The following SPECC1L variants were observed in gnomAD, a reference collection of about 807,000 sequenced individuals.
The protein encoded by SPECC1L is sperm antigen with calponin homology and coiled-coil domains 1 like, also known as cytospin-A.
A neutral mutation model predicts 116.8 loss-of-function variants in SPECC1L; 40 were observed. The ratio of observed to expected loss-of-function variants is 0.34; its 90% confidence interval spans 0.27 to 0.45. The LOEUF (loss-of-function observed/expected upper bound fraction) is 0.45. Among genes scored for constraint, SPECC1L ranks in the 20% least tolerant of loss-of-function variants. SPECC1L has a pLI of 1.00. For synonymous variants in SPECC1L, 504 were observed against 500.6 expected (o/e 1.01, Z -0.09); for missense variants, 1,110 against 1,373.6 (o/e 0.81, Z 3.03).
intron 2 of SPECC1L, among the ~76,000 whole-genome samples, chr22:24,282,935 G>T (rs1445997886): frequency 6.6e-6 from 1 of 151,988 alleles, no homozygotes; most frequent in Non-Finnish European, 1.5e-5. Context: ...GCACCACCAT[G>T]CCTGGCTAAT....
At chr22:24,300,940 T>TC (rs1223797339) in intron 2 of SPECC1L, among the ~76,000 whole-genome samples, 1 of 152,158 alleles carries the variant, frequency 6.6e-6, no homozygotes, top group Non-Finnish European at 1.5e-5. Flanking sequence ...CTGGACCCCT[T>TC]CCTTACACCT....
Position 24,382,235 on chromosome 22 carries a change from C to T in SPECC1L, c.3087+12915C>T, listed in dbSNP as rs527536446. Among the ~76,000 whole-genome samples the T allele has an allele frequency of 3.9e-5, 6 of 152,282 alleles. No homozygotes were observed. In the South Asian group the frequency reaches 1.2e-3, roughly 32 times the overall value. On this transcript the variant is annotated intron_variant, in intron 14 of 16. Coordinates refer to ENST00000314328, the MANE Select transcript of SPECC1L (RefSeq NM_015330.6). ...TTCAATTGAGTTGAGCCCATATTTA[C>T]CCCTGCTTTTTTCCCTTAGGGCGGT...
At chr22:24,324,635 G>A (rs758679372) in intron 6 of SPECC1L, among the ~76,000 whole-genome samples, 2 of 152,156 alleles carry the variant, frequency 1.3e-5, no homozygotes, top group Non-Finnish European at 2.9e-5. Flanking sequence ...CAGATCACTT[G>A]AGTTGAGGAG....
intron 14 of SPECC1L, among the ~76,000 whole-genome samples, chr22:24,404,000 G>A (rs1347367402): frequency 6.6e-6 from 1 of 152,146 alleles, no homozygotes; most frequent in African/African-American, 2.4e-5. Flanking sequence ...CCCTTTATTC[G>A]CCATTGCTCC....
chr22:24,374,681 G>A (rs1047710350), intron 14 of SPECC1L, among the ~76,000 whole-genome samples: 9 of 150,828 alleles, frequency 6.0e-5, no homozygotes, highest in South Asian at 2.1e-4. Flanking sequence ...GTTAAATGAC[G>A]AGTTGATGGG....
intron 2 of SPECC1L, among the ~76,000 whole-genome samples, chr22:24,277,625 T>G (rs938826950): frequency 5.9e-5 from 9 of 152,272 alleles, no homozygotes; most frequent in African/African-American, 1.9e-4. Flanking sequence ...AATGGCATCA[T>G]ACAACATGTG....
chr22:24,332,064 A>G (rs898360284), intron 8 of SPECC1L, among the ~76,000 whole-genome samples: 1 of 152,132 alleles, frequency 6.6e-6, no homozygotes, highest in Non-Finnish European at 1.5e-5. Flanking sequence ...ATGGAATGCC[A>G]TTTTTTTACT....
At chr22:24,278,424 T>C (rs1280901200) in intron 2 of SPECC1L, among the ~76,000 whole-genome samples, 1 of 152,136 alleles carries the variant, frequency 6.6e-6, no homozygotes, top group African/African-American at 2.4e-5. Context: ...CTTAATTTCA[T>C]ACTTCTGGAA....
Position 24,415,062 on chromosome 22 carries a change from G to T in SPECC1L, c.*439G>T, listed in dbSNP as rs1375134469. ...TTGGCTGGGGTGGGTTCCGGTGCTG[G>T]TGAGAACCCAGAAGGAGAGTCAGCG... On this transcript the variant is annotated 3_prime_UTR_variant, in exon 17 of 17. Transcript: ENST00000314328. 2 of 241,450 alleles carry T rather than the reference G, an allele frequency of 8.3e-6. No homozygotes were observed. The highest frequency in any genetic ancestry group is 8.3e-6 in the Non-Finnish European group (1 of 119,864). The allele number at this position is 241,450 out of a possible 1,614,324, so 15.0% of individuals were successfully genotyped here.
chr22:24,281,278 A>G (rs1235804790), intron 2 of SPECC1L, among the ~76,000 whole-genome samples: 4 of 152,210 alleles, frequency 2.6e-5, no homozygotes, highest in African/African-American at 7.2e-5. Context: ...CCTACCTTCA[A>G]CAATTATCAG....
rs192958880 is a variant in SPECC1L at position 24,414,727 on chromosome 22, T to C, written c.*104T>C. 15 of 986,564 alleles carry C rather than the reference T, an allele frequency of 1.5e-5. No individual in the cohort carries two copies. The East Asian group carries it at 3.8e-4, about 25-fold the overall frequency. 61.1% of individuals were successfully genotyped at this position (986,564 alleles called of 1,614,324 possible). ...ACCCCTGTAAAGCTTCCAGCAACTC[T>C]GGGCTGCCCCACAGCGTGTGAGCCT... On this transcript the variant is annotated 3_prime_UTR_variant, in exon 17 of 17. Transcript: ENST00000314328.
chr22:24,350,854 C>A (rs1218219028), intron 11 of SPECC1L, among the ~76,000 whole-genome samples: 1 of 152,134 alleles, frequency 6.6e-6, no homozygotes, highest in African/African-American at 2.4e-5. Context: ...GTGCCAGTAC[C>A]CTAAAGCTGT....
chr22:24,375,929 G>T (rs2041962121), intron 14 of SPECC1L, among the ~76,000 whole-genome samples: 2 of 151,956 alleles, frequency 1.3e-5, no homozygotes, highest in South Asian at 4.2e-4. Flanking sequence ...CAGCCTGGGT[G>T]ACAGAGTGAG....
At chr22:24,407,726 A>C (rs992276952) in intron 14 of SPECC1L, among the ~76,000 whole-genome samples, 31 of 151,778 alleles carry the variant, frequency 2.0e-4, no homozygotes, top group African/African-American at 7.5e-4. Context: ...TTTTTTTAGT[A>C]CCTTTAATAG....
chr22:24,285,288 G>A (rs964238754), intron 2 of SPECC1L, among the ~76,000 whole-genome samples: 5 of 152,146 alleles, frequency 3.3e-5, no homozygotes, highest in Admixed American at 2.6e-4. Flanking sequence ...AAAGGAGATG[G>A]ATGCTTACTG....
intron 3 of SPECC1L, among the ~76,000 whole-genome samples, chr22:24,304,630 T>G (rs989137785): frequency 6.6e-6 from 1 of 152,246 alleles, no homozygotes; most frequent in Non-Finnish European, 1.5e-5. Context: ...TGTTCATGAT[T>G]AGTTCTTTTG....
chr22:24,391,122 G>A (rs1245250073), intron 14 of SPECC1L, among the ~76,000 whole-genome samples: 15 of 151,790 alleles, frequency 9.9e-5, no homozygotes, highest in African/African-American at 2.4e-4. Context: ...GGATCCGCCC[G>A]CCTTGGCCTC....
Position 24,322,676 on chromosome 22 carries a change from A to G in SPECC1L, c.1696A>G (p.Lys566Glu). 6.2e-7 allele frequency: 1 copy of G among 1,610,520 alleles called. No homozygotes were observed. The change falls in exon 5 of 17, where the codon AAA becomes GAA. Residue 566 changes from lysine (K) to glutamate (E), a missense_variant. Transcript: ENST00000314328. ...CTTGGCAGCCACGTTAGAGGAATAC[A>G]AAGCCACAGTGGCCAGTGACCAGAT... ...AALAATLEEY[K>E]ATVASDQIEM...
At chr22:24,310,353 G>C (rs1014262109) in intron 3 of SPECC1L, among the ~76,000 whole-genome samples, 1 of 152,206 alleles carries the variant, frequency 6.6e-6, no homozygotes, top group East Asian at 1.9e-4. Flanking sequence ...TATTATTGGA[G>C]GTGTATCTTC....
Sources: allele counts gnomAD v4.1 joint callset (sites outside exome capture counted in the v4.1 genomes callset), GRCh38; gene constraint gnomAD v4.1.1; transcripts MANE v1.5; gene names NCBI Gene and HGNC (gene_info 2026-07-23, HGNC 2026-07-21).